The following SIM2 variants were observed in gnomAD, a reference collection of about 807,000 sequenced individuals.
The protein encoded by SIM2 is SIM bHLH transcription factor 2.
SIM2 carries 28 observed loss-of-function variants against 64.8 expected under a neutral mutation model. The observed-to-expected ratio is 0.43, with a 90% confidence interval of 0.32 to 0.59. The LOEUF is 0.59. SIM2 is among the 20% of genes least tolerant of loss of function. The pLI, the probability that SIM2 is intolerant of heterozygous loss-of-function variation, is 0.07. For synonymous variants in SIM2, 408 were observed against 391.1 expected, an observed-to-expected ratio of 1.04 and a Z score of -0.51; for missense variants, 847 against 871.4, an observed-to-expected ratio of 0.97 and a Z score of 0.35.
chr21:36,720,069 A>T, intron 4 of SIM2, 140 bp downstream of exon 4: 1 of 627,870 alleles, frequency 1.6e-6, no homozygotes, highest in Non-Finnish European at 2.9e-6. Context: ...TCCAATACAC[A>T]CACAGCACCC....
chr21:36,705,210 C>T (rs74534338), intron 1 of SIM2, among the ~76,000 whole-genome samples: 11,834 of 152,264 alleles, frequency 0.078, 694 homozygotes, highest in African/African-American at 0.17. Flanking sequence ...AGAGGCTGCC[C>T]GCGCAGAAAG....
chr21:36,744,687 G>A (rs757312543), intron 9 of SIM2, 41 bp from the exon 10 acceptor site: 107 of 1,521,500 alleles, frequency 7.0e-5, no homozygotes, highest in Non-Finnish European at 8.5e-5. Flanking sequence ...GCTTCCTGCC[G>A]GCCCCTCGCT....
intron 6 of SIM2, among the ~76,000 whole-genome samples, chr21:36,728,045 G>A (rs760317917): frequency 1.3e-5 from 2 of 152,084 alleles, no homozygotes; most frequent in African/African-American, 2.4e-5. Context: ...CTCTGGGGAC[G>A]GCCAAGAGCG....
chr21:36,731,853 T>A (rs1246523942), intron 7 of SIM2, among the ~76,000 whole-genome samples: 1 of 152,118 alleles, frequency 6.6e-6, no homozygotes, highest in Non-Finnish European at 1.5e-5. Context: ...TTTAAAGAAG[T>A]GACACTTTTC....
At chr21:36,721,448 G>GT (rs965322943) in intron 4 of SIM2, among the ~76,000 whole-genome samples, 1 of 152,182 alleles carries the variant, frequency 6.6e-6, no homozygotes, top group East Asian at 1.9e-4. Context: ...GTTTTGTTTT[G>GT]TTTTTTGGAG....
At chr21:36,738,361 C>A (rs200736985) in intron 7 of SIM2, among the ~76,000 whole-genome samples, 1 of 152,048 alleles carries the variant, frequency 6.6e-6, no homozygotes, top group African/African-American at 2.4e-5. Context: ...AAAAATTAGC[C>A]GGGTGTGGTC....
At chr21:36,705,145 G>T (rs1309601742) in intron 1 of SIM2, among the ~76,000 whole-genome samples, 3 of 152,216 alleles carry the variant, frequency 2.0e-5, no homozygotes, top group African/African-American at 7.2e-5. Context: ...CCTTGCAGGG[G>T]GTCGTGCTGC....
intron 6 of SIM2, among the ~76,000 whole-genome samples, chr21:36,730,805 CA>C (rs1389365520): frequency 1.3e-5 from 2 of 152,136 alleles, no homozygotes; most frequent in East Asian, 3.9e-4. Flanking sequence ...TAAGCCATTC[CA>C]AACATTCTCT....
chr21:36,727,928 C>G (rs557986650), intron 6 of SIM2, among the ~76,000 whole-genome samples: 7 of 152,216 alleles, frequency 4.6e-5, no homozygotes. Context: ...TTGTCGACAC[C>G]CTTCAGGACC....
Position 36,745,631 on chromosome 21 carries a change from C to T in SIM2, c.1576+495C>T. On this transcript the variant is annotated intron_variant, in intron 10 of 10. Transcript: ENST00000290399. The surrounding 1 kb of genome is among the most constrained non-coding windows in gnomAD (Gnocchi z 4.8). ...GGGGACAGAAATGCCACTCACCAAC[C>T]CAGGGCAAAGAACACAAACCCTCCA... 11 of 1,141,484 alleles carry T rather than the reference C, an allele frequency of 9.6e-6. No individual in the cohort carries two copies. The South Asian group carries it at 2.0e-4, about 21-fold the overall frequency. 70.7% of individuals were successfully genotyped at this position (1,141,484 alleles called of 1,614,324 possible).
At chr21:36,732,268 C>T (rs2088980295) in intron 7 of SIM2, among the ~76,000 whole-genome samples, 1 of 152,246 alleles carries the variant, frequency 6.6e-6, no homozygotes, top group Non-Finnish European at 1.5e-5. Flanking sequence ...CCCTGCCACG[C>T]CCATGGCCAG....
intron 7 of SIM2, among the ~76,000 whole-genome samples, chr21:36,737,667 A>G (rs1033376638): frequency 6.6e-6 from 1 of 152,202 alleles, no homozygotes; most frequent in African/African-American, 2.4e-5. Context: ...CCCAGACCAC[A>G]AAGAGAACAC....
intron 7 of SIM2, among the ~76,000 whole-genome samples, 179 bp downstream of exon 7, chr21:36,731,330 G>T (rs929035264): frequency 6.6e-6 from 1 of 150,936 alleles, no homozygotes; most frequent in African/African-American, 2.5e-5. Flanking sequence ...GCCTGTTGTC[G>T]GTTCTCAAGC....
At chr21:36,714,818 A>G (rs1270803537) in intron 3 of SIM2, among the ~76,000 whole-genome samples, 1 of 152,232 alleles carries the variant, frequency 6.6e-6, no homozygotes, top group Non-Finnish European at 1.5e-5. Flanking sequence ...GGACCAAAAT[A>G]TTGGATAGGT....
At chr21:36,717,160 T>G (rs2088758404) in intron 3 of SIM2, among the ~76,000 whole-genome samples, 1 of 152,190 alleles carries the variant, frequency 6.6e-6, no homozygotes, top group Non-Finnish European at 1.5e-5. Flanking sequence ...GAACGGGAAC[T>G]CTGAAAACAT....
intron 4 of SIM2, chr21:36,720,554 T>C (rs2088811712): frequency 6.6e-6 from 1 of 152,292 alleles, no homozygotes; most frequent in African/African-American, 2.4e-5. Flanking sequence ...TCTTCTTATT[T>C]ATGTATTAAT....
At chr21:36,711,086 A>G (rs976584519) in intron 2 of SIM2, among the ~76,000 whole-genome samples, 1 of 152,214 alleles carries the variant, frequency 6.6e-6, no homozygotes, top group African/African-American at 2.4e-5. Flanking sequence ...TAAGTGAATT[A>G]GGCCATTTGA....
At chr21:36,741,918 A>G in intron 8 of SIM2, 54 bp downstream of exon 8, 4 of 1,469,460 alleles carry the variant, frequency 2.7e-6, no homozygotes, top group Middle Eastern at 3.5e-4. Flanking sequence ...CCTGTCCCAC[A>G]TCGGATGGCT....
chr21:36,724,053 G>A (rs2088858779), intron 5 of SIM2, among the ~76,000 whole-genome samples: 1 of 152,252 alleles, frequency 6.6e-6, no homozygotes, highest in Non-Finnish European at 1.5e-5. Context: ...GAAAAGAAGG[G>A]AGGAGGATGG....
Sources: gnomAD v4.1 joint callset for allele counts (sites outside exome capture counted in the v4.1 genomes callset) on GRCh38, gnomAD v4.1.1 for gene constraint, Gnocchi (gnomAD v3.1) non-coding constraint, MANE v1.5 for transcripts, NCBI Gene and HGNC (gene_info 2026-07-23, HGNC 2026-07-21) for gene names.